Variants in EIF3E observed in about 807,000 individuals in gnomAD.
EIF3E encodes eIF-3 p48.
EIF3E carries 25 observed loss-of-function variants against 59.3 expected under a neutral mutation model. That is an observed-to-expected ratio of 0.42 (90% CI 0.31 to 0.59). The LOEUF (loss-of-function observed/expected upper bound fraction) is 0.59, where lower values mean the gene tolerates loss of function less well. Among genes scored for constraint, EIF3E ranks in the 20% least tolerant of loss-of-function variants. The probability of loss-of-function intolerance (pLI) is 0.15; values close to 1 mark genes in which losing one functional copy is unlikely to be tolerated. For synonymous variants in EIF3E, 176 were observed against 170.2 expected, an observed-to-expected ratio of 1.03 and a Z score of -0.26; for missense variants, 317 against 534.3, an observed-to-expected ratio of 0.59 and a Z score of 4.01.
intron 10 of EIF3E, among the ~76,000 whole-genome samples, chr8:108,212,736 A>C (rs1014567536): frequency 1.3e-5 from 2 of 152,182 alleles, no homozygotes; most frequent in African/African-American, 4.8e-5. Context: ...CGAGAGGCAG[A>C]GGTTGCAGTG....
Position 108,201,715 on chromosome 8 carries a change from T to C in EIF3E, c.*170A>G. 1.7e-6 allele frequency: 1 copy of C among 584,598 alleles called. No homozygotes were observed. The highest frequency in any genetic ancestry group is 2.7e-6 in the Non-Finnish European group (1 of 372,262). The allele number at this position is 584,598 out of a possible 1,614,324, so 36.2% of individuals were successfully genotyped here. ...AAAGAAAGTTAAAAAAACACAAACT[T>C]GCACATGCAAGAAAACTGACAGCAA... is the stretch of plus-strand genomic sequence containing the variant. On this transcript the variant is annotated 3_prime_UTR_variant, in exon 13 of 13. Transcript: ENST00000220849.
At chr8:108,244,176 C>A (rs1815899875) in intron 1 of EIF3E, among the ~76,000 whole-genome samples, 2 of 152,092 alleles carry the variant, frequency 1.3e-5, no homozygotes. Context: ...TAATACAGGT[C>A]TATTAATAAG....
intron 7 of EIF3E, among the ~76,000 whole-genome samples, chr8:108,220,886 G>A (rs938683902): frequency 6.6e-6 from 1 of 152,230 alleles, no homozygotes; most frequent in Non-Finnish European, 1.5e-5. Context: ...CCTGGGCGTA[G>A]TGGTGTGAGC....
chr8:108,220,498 G>C (rs2129875584), intron 7 of EIF3E, among the ~76,000 whole-genome samples: 1 of 152,240 alleles, frequency 6.6e-6, no homozygotes, highest in East Asian at 1.9e-4. Context: ...TAAAGCAGCT[G>C]GCTTTTTATT....
chr8:108,242,111 C>A, intron 1 of EIF3E, 198 bp from the exon 2 acceptor site: 2 of 1,450,196 alleles, frequency 1.4e-6, no homozygotes, highest in South Asian at 1.2e-5. Flanking sequence ...ATTTTACTTA[C>A]CTAAAAATTT....
At chr8:108,222,467 T>C (rs1044849914) in intron 7 of EIF3E, among the ~76,000 whole-genome samples, 2 of 152,144 alleles carry the variant, frequency 1.3e-5, no homozygotes, top group African/African-American at 4.8e-5. Flanking sequence ...GAGTGGAGAT[T>C]AGAGGTGATT....
chr8:108,240,817 T>C (rs956301979), intron 2 of EIF3E, among the ~76,000 whole-genome samples: 1 of 152,116 alleles, frequency 6.6e-6, no homozygotes, highest in Middle Eastern at 3.4e-3. Flanking sequence ...CCGTCTCTAC[T>C]AAAAATACAA....
intron 7 of EIF3E, among the ~76,000 whole-genome samples, chr8:108,221,823 C>CACACACAA (rs1318054637): frequency 6.6e-6 from 1 of 152,104 alleles, no homozygotes; most frequent in African/African-American, 2.4e-5. Context: ...CACACACACA[C>CACACACAA]AAAGTGGCTG....
At chr8:108,213,458 C>T (rs1223054270) in intron 10 of EIF3E, among the ~76,000 whole-genome samples, 1 of 152,178 alleles carries the variant, frequency 6.6e-6, no homozygotes, top group Non-Finnish European at 1.5e-5. Flanking sequence ...AAAAGGCCCA[C>T]AACAGCGGTA....
chr8:108,228,917 A>G (rs1335243371), intron 6 of EIF3E, among the ~76,000 whole-genome samples, 153 bp downstream of exon 6: 1 of 152,186 alleles, frequency 6.6e-6, no homozygotes, highest in Non-Finnish European at 1.5e-5. Flanking sequence ...CAAACTAGTC[A>G]AGCCACTAAT....
In EIF3E at chr8:108,203,416, C is replaced by T; in HGVS notation, c.1149G>A (p.Lys383=). ...TAATACTCACTAATTTAGAATCAAT[C>T]TTGGCATCCAGTCTTGCATTTCTAA... ...NLIRNARLDA[K]IDSKLGHVVM... Residue 383 remains lysine (K), a synonymous_variant, in exon 11 of 13, where the codon AAG becomes AAA. Transcript: ENST00000220849. The T allele has an allele frequency of 6.2e-7, 1 of 1,611,714 alleles. No individual in the cohort carries two copies. Among genetic ancestry groups the T allele is most frequent in the Middle Eastern group, 1.8e-4 (1 of 5,602 alleles).
chr8:108,207,063 G>A (rs1016452871), intron 10 of EIF3E, among the ~76,000 whole-genome samples: 3 of 152,132 alleles, frequency 2.0e-5, no homozygotes, highest in Admixed American at 2.0e-4. Flanking sequence ...CTGAAATAAG[G>A]CCCAAGGAAT....
At chr8:108,229,265 C>T (rs1350602599) in intron 5 of EIF3E, 70 bp from the exon 6 acceptor site, 6 of 1,481,916 alleles carry the variant, frequency 4.0e-6, no homozygotes, top group South Asian at 1.2e-5. Context: ...ATGTTTTATA[C>T]CCATGTATCC....
intron 10 of EIF3E, among the ~76,000 whole-genome samples, chr8:108,206,739 A>G (rs1815110144): frequency 6.6e-6 from 1 of 152,130 alleles, no homozygotes; most frequent in African/African-American, 2.4e-5. Flanking sequence ...GCAGTTTCAG[A>G]CTGCAGTAAG....
intron 7 of EIF3E, among the ~76,000 whole-genome samples, chr8:108,220,861 A>G (rs542787825): frequency 7.3e-4 from 111 of 152,348 alleles, no homozygotes; most frequent in African/African-American, 2.6e-3. Context: ...TTGGCTGATA[A>G]AAGTACTACA....
chr8:108,215,028 A>G (rs1043661551), intron 9 of EIF3E, among the ~76,000 whole-genome samples: 5 of 152,238 alleles, frequency 3.3e-5, no homozygotes, highest in Admixed American at 1.3e-4. Flanking sequence ...ACTATTTAAA[A>G]TAATTATAAA....
At chr8:108,234,663 A>G (rs1815691279) in intron 5 of EIF3E, 1 of 162,236 alleles carries the variant, frequency 6.2e-6, no homozygotes, top group Admixed American at 6.4e-5. Context: ...ATATTAATTA[A>G]GCACCTACAA....
At chr8:108,240,976 T>A (rs1200665273) in intron 2 of EIF3E, among the ~76,000 whole-genome samples, 1 of 99,312 alleles carries the variant, frequency 1.0e-5, no homozygotes, top group Non-Finnish European at 2.2e-5. Flanking sequence ...CGAGACTCCA[T>A]CTCAAAAAAA....
At chr8:108,247,714 AAACAG>A (rs1230706518) in intron 1 of EIF3E, among the ~76,000 whole-genome samples, 1 of 152,172 alleles carries the variant, frequency 6.6e-6, no homozygotes, top group African/African-American at 2.4e-5. Flanking sequence ...CTGCTTCCAG[AAACAG>A]AACTCACTTA....
Sources: allele counts gnomAD v4.1 joint callset (sites outside exome capture counted in the v4.1 genomes callset), GRCh38; gene constraint gnomAD v4.1.1; transcripts MANE v1.5; gene names NCBI Gene and HGNC (gene_info 2026-07-23, HGNC 2026-07-21).